Variants in TXNRD1 observed in about 807,000 individuals in gnomAD.
The protein encoded by TXNRD1 is thioredoxin reductase 1, cytoplasmic.
In TXNRD1, 57 loss-of-function variants were observed where a neutral mutation model predicts 80.3. The observed-to-expected ratio is 0.71, with a 90% CI of 0.57 to 0.89. The LOEUF (loss-of-function observed/expected upper bound fraction) is 0.89, where lower values mean the gene tolerates loss of function less well. Among genes scored for constraint, TXNRD1 ranks in the 40% least tolerant of loss-of-function variants. The probability of loss-of-function intolerance (pLI) is 0.00; values close to 1 mark genes in which losing one functional copy is unlikely to be tolerated. For missense variants in TXNRD1, 730 were observed against 803.0 expected, an observed-to-expected ratio of 0.91 and a Z score of 1.10; for synonymous variants, 291 against 285.2, an observed-to-expected ratio of 1.02 and a Z score of -0.20.
In TXNRD1 at chr12:104,283,271, G is replaced by C. The variant is rs542749894; in HGVS notation, c.305-5660G>C. Among the ~76,000 whole-genome samples the C allele has an allele frequency of 8.0e-3, 1,214 of 151,856 alleles. 7 individuals are homozygous for C. Among genetic ancestry groups the C allele is most frequent in the Non-Finnish European group, 0.013 (910 of 67,954 alleles). On this transcript the variant is annotated intron_variant, in intron 3 of 16. Coordinates refer to ENST00000525566, the MANE Select transcript of TXNRD1 (RefSeq NM_001093771.3). ...TTTGTTTTTGTTTTTGTTTTTTTGA[G>C]ACGGAGTCTTGCTCTTGTTGTCCAG...
chr12:104,220,944 G>T (rs2135673404), intron 1 of TXNRD1, among the ~76,000 whole-genome samples: 1 of 152,208 alleles, frequency 6.6e-6, no homozygotes, highest in Non-Finnish European at 1.5e-5. Context: ...AACTATAAAT[G>T]ACTATCACAA....
intron 8 of TXNRD1, 33 bp downstream of exon 8, chr12:104,319,088 TTTTC>T: frequency 6.4e-7 from 1 of 1,568,544 alleles, no homozygotes; most frequent in Non-Finnish European, 8.6e-7. Flanking sequence ...AGCTTTTTTT[TTTTC>T]TTTTTTCTCT....
rs57871119 is a variant in TXNRD1, at chr12:104,253,165, C to T, written c.243+1487C>T. Among the ~76,000 whole-genome samples, 476 of 152,148 alleles carry T rather than the reference C, an allele frequency of 3.1e-3. 2 individuals carry two copies. Among genetic ancestry groups the T allele is most frequent in the African/African-American group, 0.011 (460 of 41,494 alleles). On this transcript the variant is annotated intron_variant, in intron 2 of 16. Coordinates refer to ENST00000525566, the MANE Select transcript of TXNRD1 (RefSeq NM_001093771.3). ...ACTCTCTCTCTCTGTTTCTCTCTCT[C>T]GTTCTGCATGTGTGTGTGTCTGTGC...
At position 104,349,641 on chromosome 12, in the gene TXNRD1, G is replaced by C. The variant is rs1342719132; in HGVS notation, c.*1220G>C. 6.6e-6 allele frequency: 1 copy of C among 152,578 alleles called. No individual in the cohort carries two copies. Among genetic ancestry groups the C allele is most frequent in the Non-Finnish European group, 1.5e-5 (1 of 68,046 alleles). 9.5% of individuals were successfully genotyped at this position (152,578 alleles called of 1,614,324 possible). A position where few individuals can be genotyped will look rare whatever the true frequency, so the allele number is the denominator to read the frequency against. On this transcript the variant is annotated 3_prime_UTR_variant, in exon 17 of 17. Coordinates refer to ENST00000525566, the MANE Select transcript of TXNRD1 (RefSeq NM_001093771.3). ...ATTATAAAGAGGTATTAATGCCTCA[G>C]TTATGTGTTTGTCAATGTACTGGCT...
At chr12:104,326,299 T>C in intron 11 of TXNRD1, 48 bp from the exon 12 acceptor site, 1 of 1,307,986 alleles carries the variant, frequency 7.6e-7, no homozygotes, top group Non-Finnish European at 1.1e-6. Flanking sequence ...AGGTAATAAA[T>C]GCAAAGCCTT....
chr12:104,303,638 G>A (rs2034736478), intron 4 of TXNRD1: 2 of 399,654 alleles, frequency 5.0e-6, no homozygotes, highest in Non-Finnish European at 8.9e-6. Flanking sequence ...GCTGGTCTAT[G>A]AGCGAGCGCC....
chr12:104,295,820 G>A (rs2034417775), intron 4 of TXNRD1, among the ~76,000 whole-genome samples: 1 of 152,192 alleles, frequency 6.6e-6, no homozygotes, highest in African/African-American at 2.4e-5. Context: ...TACATATCGA[G>A]GTCAGAGAGC....
intron 12 of TXNRD1, among the ~76,000 whole-genome samples, chr12:104,326,979 C>T (rs368362661): frequency 2.0e-5 from 3 of 152,004 alleles, no homozygotes; most frequent in African/African-American, 2.4e-5. Flanking sequence ...GGATTACAGG[C>T]GCCTGCCATC....
At chr12:104,329,679 C>A (rs1190056568) in intron 13 of TXNRD1, among the ~76,000 whole-genome samples, 1 of 151,972 alleles carries the variant, frequency 6.6e-6, no homozygotes, top group African/African-American at 2.4e-5. Context: ...AAAATAAATT[C>A]ATGGATCTTT....
chr12:104,336,563 A>G (rs1029180828), intron 15 of TXNRD1, among the ~76,000 whole-genome samples: 1 of 151,184 alleles, frequency 6.6e-6, no homozygotes, highest in African/African-American at 2.4e-5. Flanking sequence ...CTGCTATTTT[A>G]TTTTTTTTTA....
In TXNRD1 at chr12:104,255,081, G is replaced by A. The variant is rs990502135; in HGVS notation, c.244-2938G>A. On this transcript the variant is annotated intron_variant, in intron 2 of 16. Coordinates refer to ENST00000525566, the MANE Select transcript of TXNRD1 (RefSeq NM_001093771.3). ...AGATCGTGCCTCTAAGCTACAGCCT[G>A]GGTGACAGAGCAAGACTCTATCTAA... is the stretch of plus-strand genomic sequence containing the variant. 7.2e-5 allele frequency among the ~76,000 whole-genome samples: 11 copies of A among 151,960 alleles called. No individual in the cohort carries two copies. In the East Asian group the frequency reaches 2.1e-3, roughly 29 times the overall value.
At chr12:104,228,302 A>C (rs2032523697) in intron 1 of TXNRD1, among the ~76,000 whole-genome samples, 1 of 6,778 alleles carries the variant, frequency 1.5e-4, no homozygotes, top group Admixed American at 1.4e-3. Context: ...ACTCCATCTC[A>C]AAAAAAAAAA....
intron 1 of TXNRD1, among the ~76,000 whole-genome samples, chr12:104,244,932 A>G (rs552259988): frequency 1.2e-4 from 19 of 152,336 alleles, no homozygotes; most frequent in Non-Finnish European, 1.0e-4. Flanking sequence ...CCCTGTATCT[A>G]GAAAGGTTAT....
chr12:104,267,647 A>ATCTTTCTTTCTTTCTTTCTTTCTT (rs753275941), intron 3 of TXNRD1, among the ~76,000 whole-genome samples: 36 of 140,454 alleles, frequency 2.6e-4, no homozygotes, highest in South Asian at 9.5e-4. Flanking sequence ...ATGTGATGGT[A>ATCTTTCTTTCTTTCTTTCTTTCTT]TCTTTCTTTC....
chr12:104,329,248 T>C (rs2035869762), intron 13 of TXNRD1, among the ~76,000 whole-genome samples: 1 of 152,082 alleles, frequency 6.6e-6, no homozygotes, highest in South Asian at 2.1e-4. Context: ...GAGTATCTGG[T>C]ACCTCAATAT....
At chr12:104,273,173 A>G (rs959032665) in intron 3 of TXNRD1, among the ~76,000 whole-genome samples, 1 of 152,198 alleles carries the variant, frequency 6.6e-6, no homozygotes, top group Non-Finnish European at 1.5e-5. Context: ...TGCTTCCACT[A>G]CAATGGGCTT....
chr12:104,246,764 G>A (rs567291073), intron 1 of TXNRD1, among the ~76,000 whole-genome samples: 4 of 151,846 alleles, frequency 2.6e-5, no homozygotes, highest in Non-Finnish European at 5.9e-5. Flanking sequence ...TTTGTGATCC[G>A]CCCGCCTCGG....
chr12:104,294,870 T>C (rs1439957559), intron 4 of TXNRD1, among the ~76,000 whole-genome samples: 1 of 152,210 alleles, frequency 6.6e-6, no homozygotes, highest in Admixed American at 6.5e-5. Context: ...TCTCCAACCA[T>C]CCCCTTTCTT....
rs188027393 is a variant in TXNRD1, at chr12:104,223,986, G to C, written c.91+8093G>C. ...AATATATGTGAGATTGTTTCTTTTT[G>C]CATAGGCACTGATGCATAACCATTC... On this transcript the variant is annotated intron_variant, in intron 1 of 16. Coordinates refer to ENST00000525566, the MANE Select transcript of TXNRD1 (RefSeq NM_001093771.3). Among the ~76,000 whole-genome samples, 14 of 152,324 alleles carry C rather than the reference G, an allele frequency of 9.2e-5. No individual in the cohort carries two copies. In the East Asian group the frequency reaches 1.9e-3, roughly 21 times the overall value.
Sources: gnomAD v4.1 joint callset for allele counts (sites outside exome capture counted in the v4.1 genomes callset) on GRCh38, gnomAD v4.1.1 for gene constraint, MANE v1.5 for transcripts, NCBI Gene and HGNC (gene_info 2026-07-23, HGNC 2026-07-21) for gene names.